Variants in TRAFD1 observed in about 807,000 individuals in gnomAD.
TRAFD1 encodes TRAF-type zinc finger domain-containing protein 1.
A neutral mutation model predicts 65.3 loss-of-function variants in TRAFD1; 38 were observed. That is an observed-to-expected ratio of 0.58 (90% CI 0.45 to 0.76). The LOEUF (loss-of-function observed/expected upper bound fraction) is 0.76, where lower values mean the gene tolerates loss of function less well. TRAFD1 is among the 30% of genes least tolerant of loss of function. The pLI, the probability that TRAFD1 is intolerant of heterozygous loss-of-function variation, is 0.00. For missense variants in TRAFD1, 631 were observed against 712.6 expected (o/e 0.89, Z 1.30); for synonymous variants, 223 against 257.2 (o/e 0.87, Z 1.27).
chr12:112,142,839 A>T (rs2030130237), intron 6 of TRAFD1, among the ~76,000 whole-genome samples: 1 of 152,198 alleles, frequency 6.6e-6, no homozygotes, highest in Non-Finnish European at 1.5e-5. Context: ...GGAAAAATAC[A>T]TAAAAGTAAT....
In TRAFD1 at chr12:112,130,450, G is replaced by C; in HGVS notation, c.-12-61G>C. On this transcript the variant is annotated intron_variant, in intron 1 of 11. Coordinates refer to ENST00000412615, the MANE Select transcript of TRAFD1 (RefSeq NM_006700.3). This position sits in a 1 kb window ranked among gnomAD's most constrained non-coding sequence, Gnocchi z 4.4. ...ATACTAGTTTTTTATTTGTTTTTTT[G>C]CATGTCATCTTTAAAGCAGAAATGA... 1 of 1,373,120 alleles carries C rather than the reference G, an allele frequency of 7.3e-7. No homozygotes were observed. Among genetic ancestry groups the C allele is most frequent in the South Asian group, 1.2e-5 (1 of 82,040 alleles). 85.1% of individuals were successfully genotyped at this position (1,373,120 alleles called of 1,614,324 possible).
intron 2 of TRAFD1, among the ~76,000 whole-genome samples, chr12:112,132,844 G>A (rs183646000): frequency 6.6e-6 from 1 of 152,318 alleles, no homozygotes; most frequent in Admixed American, 6.5e-5. Context: ...ATGGGAGACA[G>A]TTCTTCTAGT....
rs371539929 is a variant in TRAFD1 at position 112,152,101 on chromosome 12, C to T, written c.1580C>T (p.Pro527Leu). 5.6e-5 allele frequency: 91 copies of T among 1,613,856 alleles called. 1 individual carries two copies. The African/African-American group carries it at 1.1e-3, about 19-fold the overall frequency. The change falls in exon 10 of 12, where the codon CCC becomes CTC. Residue 527 changes from proline (P) to leucine (L), a missense_variant. Transcript: ENST00000412615. This position sits in a 1 kb window ranked among gnomAD's most constrained non-coding sequence, Gnocchi z 5.0. ...PQNLYPENIV[P>L]SFSPGPSGRY... ...AATCTCTACCCAGAAAACATTGTGC[C>T]CTCTTTCTCCCCTGGGCCTTCAGGG... is the stretch of plus-strand genomic sequence containing the variant.
intron 4 of TRAFD1, among the ~76,000 whole-genome samples, chr12:112,138,725 G>A (rs1013796001): frequency 1.3e-5 from 2 of 150,938 alleles, no homozygotes; most frequent in Admixed American, 1.3e-4. Flanking sequence ...AGGTGTGGTG[G>A]TAGGCTCCTG....
intron 6 of TRAFD1, among the ~76,000 whole-genome samples, chr12:112,144,192 C>CT (rs750613849): frequency 7.9e-5 from 12 of 151,918 alleles, no homozygotes; most frequent in Admixed American, 2.0e-4. Flanking sequence ...GCATGTTCCT[C>CT]TGAGAATTTA....
At chr12:112,141,788 A>G (rs1026892289) in intron 5 of TRAFD1, among the ~76,000 whole-genome samples, 1 of 152,214 alleles carries the variant, frequency 6.6e-6, no homozygotes, top group Non-Finnish European at 1.5e-5. Flanking sequence ...TCGTGCTTTA[A>G]ACCATTCTAC....
chr12:112,152,839 A>T lies in TRAFD1; in HGVS notation c.*48A>T. The stretch of plus-strand genomic sequence containing the variant: ...TCGGTTCCTGTCTTCTGTGCACAGC[A>T]GCACTTGCCGCTGTGCAGGCCCACC... On this transcript the variant is annotated 3_prime_UTR_variant, in exon 12 of 12. Coordinates refer to ENST00000412615, the MANE Select transcript of TRAFD1 (RefSeq NM_006700.3). This position sits in a 1 kb window ranked among gnomAD's most constrained non-coding sequence, Gnocchi z 5.0. The T allele has an allele frequency of 1.2e-6, 2 of 1,601,230 alleles. No homozygotes were observed. Among genetic ancestry groups the T allele is most frequent in the Non-Finnish European group, 1.7e-6 (2 of 1,169,920 alleles).
chr12:112,144,809 GGAGATCAAGGCTGCAGT>G (rs1368636455), intron 6 of TRAFD1, among the ~76,000 whole-genome samples: 2 of 152,042 alleles, frequency 1.3e-5, no homozygotes, highest in African/African-American at 4.8e-5. Flanking sequence ...CTTGAGCCTG[GGAGATCAAGGCTGCAGT>G]GAACCAAGAT....
intron 1 of TRAFD1, among the ~76,000 whole-genome samples, chr12:112,127,012 A>G (rs1458873601): frequency 6.6e-6 from 1 of 152,176 alleles, no homozygotes; most frequent in Non-Finnish European, 1.5e-5. Context: ...GTGGTTTACC[A>G]TTGAGCTTGG....
chr12:112,152,847 C>G lies in TRAFD1; in HGVS notation c.*56C>G. ...TGTCTTCTGTGCACAGCAGCACTTGCCGCTGTGCAGGCCCACCTCTTTGGC... is the reference window on the plus strand; with the variant it reads ...TGTCTTCTGTGCACAGCAGCACTTGGCGCTGTGCAGGCCCACCTCTTTGGC... On this transcript the variant is annotated 3_prime_UTR_variant, in exon 12 of 12. Coordinates refer to ENST00000412615, the MANE Select transcript of TRAFD1 (RefSeq NM_006700.3). The surrounding 1 kb of genome is among the most constrained non-coding windows in gnomAD (Gnocchi z 5.0). 25 of 1,602,830 alleles carry G rather than the reference C, an allele frequency of 1.6e-5. No homozygotes were observed. In the South Asian group the frequency reaches 1.9e-4, roughly 12 times the overall value.
chr12:112,152,872 C>T lies in TRAFD1; in HGVS notation c.*81C>T. On this transcript the variant is annotated 3_prime_UTR_variant, in exon 12 of 12. Coordinates refer to ENST00000412615, the MANE Select transcript of TRAFD1 (RefSeq NM_006700.3). This position sits in a 1 kb window ranked among gnomAD's most constrained non-coding sequence, Gnocchi z 5.0. ...CCGCTGTGCAGGCCCACCTCTTTGG[C>T]TCTTTGGGTGGGAGAGTTTTTCCAG... 2 of 1,508,260 alleles carry T rather than the reference C, an allele frequency of 1.3e-6. No homozygotes were observed. The highest frequency in any genetic ancestry group is 1.8e-6 in the Non-Finnish European group (2 of 1,106,764). 93.4% of individuals were successfully genotyped at this position (1,508,260 alleles called of 1,614,324 possible). A position where few individuals can be genotyped will look rare whatever the true frequency, so the allele number is the denominator to read the frequency against.
intron 4 of TRAFD1, among the ~76,000 whole-genome samples, chr12:112,139,900 G>T (rs1279548502): frequency 6.6e-6 from 1 of 152,100 alleles, no homozygotes. Flanking sequence ...AACTCAGGAA[G>T]CTGAGGCACA....
intron 4 of TRAFD1, among the ~76,000 whole-genome samples, chr12:112,138,557 C>A (rs1219738201): frequency 7.7e-5 from 11 of 142,354 alleles, no homozygotes; most frequent in African/African-American, 2.6e-4. Flanking sequence ...CAAAAAAAAA[C>A]AAAAACAAAA....
Position 112,130,112 on chromosome 12 carries a change from A to G in TRAFD1, c.-12-399A>G, listed in dbSNP as rs1235866429. On this transcript the variant is annotated intron_variant, in intron 1 of 11. Transcript: ENST00000412615. This position sits in a 1 kb window ranked among gnomAD's most constrained non-coding sequence, Gnocchi z 4.4. ...CGAGTAGCTGGGACTACAGGCACACATCACCATGCCTGGGTAATTTTTTTT... is the reference window on the plus strand; with the variant it reads ...CGAGTAGCTGGGACTACAGGCACACGTCACCATGCCTGGGTAATTTTTTTT... 6.7e-6 allele frequency among the ~76,000 whole-genome samples: 1 copy of G among 150,134 alleles called. No homozygotes were observed. The highest frequency in any genetic ancestry group is 1.5e-5 in the Non-Finnish European group (1 of 67,698).
In TRAFD1 at chr12:112,145,589, C is replaced by T. The variant is rs773102216; in HGVS notation, c.854C>T (p.Ala285Val). Residue 285 changes from alanine (A) to valine (V), a missense_variant, in exon 7 of 12, where the codon GCA becomes GTA. Ala to Val is a moderately conservative substitution (Grantham distance 64). Transcript: ENST00000412615. ...CATTGTGTGGCCTAATACCTAGGTG[C>T]AGCTGACGAGATCATGTTGCCTTGT... ...GPRSLSDIKG[A>V]ADEIMLPCEF... 1 of 1,614,072 alleles carries T rather than the reference C, an allele frequency of 6.2e-7. No homozygotes were observed.
intron 4 of TRAFD1, 115 bp downstream of exon 4, chr12:112,135,181 C>T (rs2079591624): frequency 1.6e-6 from 2 of 1,230,038 alleles, no homozygotes; most frequent in East Asian, 4.7e-5. Flanking sequence ...CACATGCATA[C>T]TGTTTCTCAA....
intron 2 of TRAFD1, among the ~76,000 whole-genome samples, chr12:112,131,618 CCT>C (rs1228945253): frequency 6.6e-6 from 1 of 152,200 alleles, no homozygotes; most frequent in African/African-American, 2.4e-5. Context: ...TGAAATTTCA[CCT>C]CTAATTTGCT....
chr12:112,152,211 C>A lies in TRAFD1; in HGVS notation c.1619+71C>A. 6.6e-7 allele frequency: 1 copy of A among 1,511,780 alleles called. No individual in the cohort carries two copies. The highest frequency in any genetic ancestry group is 8.9e-7 in the Non-Finnish European group (1 of 1,118,482). The allele number at this position is 1,511,780 out of a possible 1,614,324, so 93.6% of individuals were successfully genotyped here. On this transcript the variant is annotated intron_variant, in intron 10 of 11. Coordinates refer to ENST00000412615, the MANE Select transcript of TRAFD1 (RefSeq NM_006700.3). This position sits in a 1 kb window ranked among gnomAD's most constrained non-coding sequence, Gnocchi z 5.0. ...GAACATGGGCAAAGGCCTGGTTACC[C>A]TTGCCAGGCCTGGGGTAAGACTGAG...
intron 2 of TRAFD1, chr12:112,133,439 A>C (rs984457963): frequency 6.6e-6 from 1 of 152,214 alleles, no homozygotes; most frequent in Non-Finnish European, 1.5e-5. Context: ...AACTACTTAA[A>C]AGTGAGAGAA....
Sources: allele counts gnomAD v4.1 joint callset (sites outside exome capture counted in the v4.1 genomes callset), GRCh38; gene constraint gnomAD v4.1.1; non-coding constraint Gnocchi (gnomAD v3.1); transcripts MANE v1.5; gene names NCBI Gene and HGNC (gene_info 2026-07-23, HGNC 2026-07-21).